The following HMGB1 variants were observed in gnomAD, a reference collection of about 807,000 sequenced individuals.
HMGB1 encodes the protein high mobility group box 1.
For synonymous variants in HMGB1, 81 were observed against 84.0 expected, an observed-to-expected ratio of 0.96 and a Z score of 0.19; for missense variants, 79 against 253.5, an observed-to-expected ratio of 0.31 and a Z score of 4.67.
chr13:30,564,599 T>C (rs1870109672), intron 1 of HMGB1, among the ~76,000 whole-genome samples: 1 of 152,228 alleles, frequency 6.6e-6, no homozygotes, highest in Non-Finnish European at 1.5e-5. Context: ...ACTTCTGTCT[T>C]ATGAAAGGTT....
chr13:30,554,187 C>T (rs1593308798), intron 1 of HMGB1: 1 of 1,408,496 alleles, frequency 7.1e-7, no homozygotes, highest in African/African-American at 1.4e-5. Flanking sequence ...AGAACAATAT[C>T]TCACTTGCAT....
chr13:30,538,502 C>CTTTCTTTCTTTCTTTA, intron 1 of HMGB1, among the ~76,000 whole-genome samples: 1 of 122,800 alleles, frequency 8.1e-6, no homozygotes, highest in African/African-American at 3.8e-5. Flanking sequence ...TTCTTTCTTT[C>CTTTCTTTCTTTCTTTA]TTTCTTTCCT....
chr13:30,473,795 G>A (rs975824821), intron 1 of HMGB1, among the ~76,000 whole-genome samples: 3 of 152,132 alleles, frequency 2.0e-5, no homozygotes, highest in Non-Finnish European at 4.4e-5. Context: ...ACACACACTT[G>A]TACATGAATC....
chr13:30,484,505 C>T (rs564200449), intron 1 of HMGB1, among the ~76,000 whole-genome samples: 13 of 152,278 alleles, frequency 8.5e-5, no homozygotes, highest in South Asian at 6.2e-4. Flanking sequence ...CCCCAACAAC[C>T]GCTACTCTGT....
At chr13:30,586,431 T>C (rs1871148989) in intron 1 of HMGB1, among the ~76,000 whole-genome samples, 1 of 151,834 alleles carries the variant, frequency 6.6e-6, no homozygotes, top group African/African-American at 2.4e-5. Context: ...ATCAGTCCCA[T>C]TGCTTTAGAT....
chr13:30,546,470 G>C (rs1214914773), intron 1 of HMGB1, among the ~76,000 whole-genome samples: 12 of 152,040 alleles, frequency 7.9e-5, no homozygotes, highest in Admixed American at 7.9e-4. Flanking sequence ...GTTGAGGAGG[G>C]AATCTGGAAG....
At chr13:30,517,578 G>A (rs1888128518) in intron 1 of HMGB1, among the ~76,000 whole-genome samples, 1 of 152,138 alleles carries the variant, frequency 6.6e-6, no homozygotes, top group Non-Finnish European at 1.5e-5. Context: ...ATTTTTAGTA[G>A]AGATGGGGTT....
intron 1 of HMGB1, among the ~76,000 whole-genome samples, chr13:30,580,619 T>C (rs1870856453): frequency 6.6e-6 from 1 of 152,252 alleles, no homozygotes; most frequent in African/African-American, 2.4e-5. Context: ...GGACTATATA[T>C]GGCAGGAAAA....
intron 1 of HMGB1, among the ~76,000 whole-genome samples, chr13:30,595,946 T>G (rs1871587949): frequency 6.6e-6 from 1 of 152,226 alleles, no homozygotes; most frequent in Non-Finnish European, 1.5e-5. Context: ...TTAATCCTAT[T>G]TAGTCTGGGA....
At chr13:30,515,853 G>A (rs1181999989) in intron 1 of HMGB1, among the ~76,000 whole-genome samples, 4 of 152,060 alleles carry the variant, frequency 2.6e-5, no homozygotes, top group Non-Finnish European at 2.9e-5. Flanking sequence ...ACAAACTAAG[G>A]TAATCATCAA....
At chr13:30,596,174 C>T (rs1054466284) in intron 1 of HMGB1, among the ~76,000 whole-genome samples, 4 of 152,098 alleles carry the variant, frequency 2.6e-5, no homozygotes, top group Non-Finnish European at 4.4e-5. Context: ...AATTGTAATA[C>T]AAAATACGGC....
chr13:30,598,865 T>C (rs1262314135), intron 1 of HMGB1, among the ~76,000 whole-genome samples: 1 of 152,154 alleles, frequency 6.6e-6, no homozygotes, highest in Non-Finnish European at 1.5e-5. Context: ...TTTATGTTTG[T>C]GTGTAGATCT....
At chr13:30,510,875 T>G (rs1310102064) in intron 1 of HMGB1, among the ~76,000 whole-genome samples, 3 of 152,208 alleles carry the variant, frequency 2.0e-5, no homozygotes, top group African/African-American at 7.2e-5. Context: ...GTATCCTCAG[T>G]TTCTCTCCAA....
chr13:30,458,955 T>A lies in HMGB1; in HGVS notation c.*2402A>T, dbSNP rs1015016949. ...TTGACTCGTTAATCAATATGCCATATGCCTATCTTTAAAATACAAAAAAAC... is the reference window on the plus strand; with the variant it reads ...TTGACTCGTTAATCAATATGCCATAAGCCTATCTTTAAAATACAAAAAAAC... On this transcript the variant is annotated 3_prime_UTR_variant, in exon 5 of 5. Coordinates refer to ENST00000341423, the MANE Select transcript of HMGB1 (RefSeq NM_002128.7). 2 of 152,234 alleles carry A rather than the reference T, an allele frequency of 1.3e-5. No individual in the cohort carries two copies. The highest frequency in any genetic ancestry group is 2.9e-5 in the Non-Finnish European group (2 of 68,036). 9.4% of individuals were successfully genotyped at this position (152,234 alleles called of 1,614,324 possible).
intron 1 of HMGB1, among the ~76,000 whole-genome samples, chr13:30,482,484 CATT>C (rs1196854449): frequency 6.6e-6 from 1 of 152,154 alleles, no homozygotes; most frequent in Non-Finnish European, 1.5e-5. Flanking sequence ...TACTTTACCT[CATT>C]ATAATTATCA....
chr13:30,466,857 A>G (rs1886802717), upstream of HMGB1, among the ~76,000 whole-genome samples: 2 of 152,208 alleles, frequency 1.3e-5, no homozygotes, highest in Admixed American at 6.5e-5. Flanking sequence ...TGGCTATTTT[A>G]TTTGACTTGG....
chr13:30,509,107 C>T (rs57088561), intron 1 of HMGB1, among the ~76,000 whole-genome samples: 5,763 of 152,106 alleles, frequency 0.038, 358 homozygotes, highest in African/African-American at 0.13. Context: ...TAATTAAAAA[C>T]ATGCTTTTTT....
chr13:30,538,523 C>CCTTTCTTTCCTTT (rs1868605318), intron 1 of HMGB1, among the ~76,000 whole-genome samples: 5 of 85,192 alleles, frequency 5.9e-5, no homozygotes, highest in African/African-American at 2.6e-4. Flanking sequence ...TTCTTTCTTT[C>CCTTTCTTTCCTTT]CTTTCTTTCT....
intron 1 of HMGB1, among the ~76,000 whole-genome samples, chr13:30,551,266 A>T (rs1593306949): frequency 6.6e-6 from 1 of 152,044 alleles, no homozygotes; most frequent in Non-Finnish European, 1.5e-5. Context: ...TCTAAAACTA[A>T]TTTTTTTCCT....
Sources: allele counts gnomAD v4.1 joint callset (sites outside exome capture counted in the v4.1 genomes callset), GRCh38; gene constraint gnomAD v4.1.1; transcripts MANE v1.5; gene names NCBI Gene and HGNC (gene_info 2026-07-23, HGNC 2026-07-21).